Variants in PRDM15 observed in about 807,000 individuals in gnomAD.
PRDM15 encodes the protein PR/SET domain 15, also known as PR domain zinc finger protein 15.
A neutral mutation model predicts 128.6 loss-of-function variants in PRDM15; 64 were observed. The ratio of observed to expected loss-of-function variants is 0.50; its 90% CI spans 0.41 to 0.61. The LOEUF is 0.61. PRDM15 is among the 20% of genes least tolerant of loss of function. The pLI, the probability that PRDM15 is intolerant of heterozygous loss-of-function variation, is 0.00. For synonymous variants in PRDM15, 615 were observed against 621.8 expected (o/e 0.99, Z 0.16); for missense variants, 1,242 against 1,569.1 (o/e 0.79, Z 3.52).
At chr21:41,843,704 C>T (rs1175952976) in intron 6 of PRDM15, among the ~76,000 whole-genome samples, 1 of 152,184 alleles carries the variant, frequency 6.6e-6, no homozygotes, top group African/African-American at 2.4e-5. Flanking sequence ...GGCCCTGAGG[C>T]CACCGTCAGT....
intron 6 of PRDM15, among the ~76,000 whole-genome samples, chr21:41,844,020 T>C (rs376349179): frequency 6.6e-6 from 1 of 150,660 alleles, no homozygotes. Flanking sequence ...GGTTTGGAAG[T>C]TACCCAACTT....
At chr21:41,815,043 T>G (rs1003764651) in intron 19 of PRDM15, 13 of 155,436 alleles carry the variant, frequency 8.4e-5, no homozygotes, top group African/African-American at 3.1e-4. Flanking sequence ...TTGCGCAGGG[T>G]GCTCTAGTGT....
intron 8 of PRDM15, 198 bp from the exon 9 acceptor site, chr21:41,836,847 A>G: frequency 2.1e-6 from 1 of 467,046 alleles, no homozygotes; most frequent in Non-Finnish European, 3.8e-6. Context: ...TAATGACATT[A>G]GGCAGCTTTA....
At chr21:41,861,633 G>C in intron 1 of PRDM15, 1 of 1,613,994 alleles carries the variant, frequency 6.2e-7, no homozygotes, top group Non-Finnish European at 8.5e-7. Context: ...GTGCATGCTG[G>C]CACTTCTTGA....
chr21:41,861,532 C>T (rs1309151917), intron 1 of PRDM15: 2 of 1,529,228 alleles, frequency 1.3e-6, no homozygotes, highest in Non-Finnish European at 8.9e-7. Flanking sequence ...TATTCCTCCT[C>T]TGCCCCCCCC....
intron 18 of PRDM15, among the ~76,000 whole-genome samples, chr21:41,816,746 A>G (rs2062066039): frequency 6.6e-6 from 1 of 152,196 alleles, no homozygotes; most frequent in Non-Finnish European, 1.5e-5. Context: ...CTGGGCCAGC[A>G]GGGGGAGCAA....
Position 41,828,185 on chromosome 21 carries a change from G to C in PRDM15, c.1515C>G (p.His505Gln). 6.2e-7 allele frequency: 1 copy of C among 1,613,938 alleles called. No individual in the cohort carries two copies. The change falls in exon 12 of 24, where the codon CAC becomes CAG. Residue 505 changes from histidine to glutamine, a missense_variant. Around this residue, in one of 3 missense-constraint regions of PRDM15, gnomAD observed 612 missense variants for 717.0 expected, o/e 0.85. Transcript: ENST00000398548. The surrounding 1 kb of genome is among the most constrained non-coding windows in gnomAD (Gnocchi z 5.7). Reference sequence around the variant, plus strand: ...CCTCACCTTCCAGGTGCCGGCGCTGGTGGTCCAGCATGACGTCCTTGCGGT... The same window carrying C: ...CCTCACCTTCCAGGTGCCGGCGCTGCTGGTCCAGCATGACGTCCTTGCGGT... Reference protein sequence around the residue: ...MFYRKDVMLDHQRRHLEGVRR... With the variant: ...MFYRKDVMLDQQRRHLEGVRR...
chr21:41,850,939 G>T (rs1418772493), intron 5 of PRDM15, among the ~76,000 whole-genome samples: 1 of 152,216 alleles, frequency 6.6e-6, no homozygotes, highest in Non-Finnish European at 1.5e-5. Flanking sequence ...CAAAGAGACA[G>T]AATTAAGTCA....
Position 41,875,947 on chromosome 21 carries a change from C to T in PRDM15, c.-10+3323G>A, listed in dbSNP as rs796128237. Among the ~76,000 whole-genome samples the T allele has an allele frequency of 2.6e-5, 4 of 152,160 alleles. No homozygotes were observed. In the South Asian group the frequency reaches 6.2e-4, roughly 24 times the overall value. ...ACATACACAACCCTAGATGGTATAG[C>T]CTACTACACACCTAGGCTATACGGC... On this transcript the variant is annotated intron_variant, in intron 1 of 23. Coordinates refer to ENST00000398548, the MANE Select transcript of PRDM15 (RefSeq NM_001040424.3).
intron 11 of PRDM15, among the ~76,000 whole-genome samples, chr21:41,831,227 G>A (rs1568943016): frequency 1.3e-5 from 2 of 152,246 alleles, no homozygotes; most frequent in Admixed American, 6.5e-5. Context: ...TCTGCTGCCC[G>A]AGGGAGCCGC....
chr21:41,801,365 G>A lies in PRDM15; in HGVS notation c.3301C>T (p.Leu1101Phe). ...GTCTGGGGCACTGCCCGCCACGTGAGCGGGTGCTGGTCACTAAGCTGGCTC... is the reference window on the plus strand; with the variant it reads ...GTCTGGGGCACTGCCCGCCACGTGAACGGGTGCTGGTCACTAAGCTGGCTC... The part of the protein sequence containing the change: ...LGSQLSDQHP[L>F]TWRAVPQTDV... Residue 1101 changes from leucine (L) to phenylalanine (F), a missense_variant, in exon 24 of 24, where the codon CTC becomes TTC. By Grantham distance (22) the Leu-to-Phe change is conservative. Coordinates refer to ENST00000398548, the MANE Select transcript of PRDM15 (RefSeq NM_001040424.3). The A allele has an allele frequency of 1.2e-6, 2 of 1,609,706 alleles. No homozygotes were observed. Among genetic ancestry groups the A allele is most frequent in the Non-Finnish European group, 1.7e-6 (2 of 1,176,668 alleles).
chr21:41,809,016 A>G (rs2061770743), intron 21 of PRDM15, among the ~76,000 whole-genome samples: 1 of 152,220 alleles, frequency 6.6e-6, no homozygotes, highest in Non-Finnish European at 1.5e-5. Flanking sequence ...GCAAGAGGCG[A>G]AGGATGCCAT....
intron 1 of PRDM15, chr21:41,878,807 C>T (rs2064520618): frequency 1.6e-6 from 2 of 1,212,734 alleles, no homozygotes; most frequent in South Asian, 3.1e-5. Flanking sequence ...GCCTCGGCGA[C>T]GACGCCGCCC....
intron 11 of PRDM15, chr21:41,834,378 A>G: frequency 1.3e-6 from 1 of 799,332 alleles, no homozygotes; most frequent in Non-Finnish European, 2.1e-6. Flanking sequence ...AGCCCCTGGG[A>G]GTCCGCTGCT....
At chr21:41,867,368 G>A in intron 1 of PRDM15, 1 of 1,613,634 alleles carries the variant, frequency 6.2e-7, no homozygotes, top group Non-Finnish European at 8.5e-7. Context: ...AAAGTTTTGT[G>A]CAAAGGGTCC....
In PRDM15 at chr21:41,864,439, T is replaced by G. The variant is rs140134174; in HGVS notation, c.-9-4067A>C. ...CTATAAAAGGAAAATCATTTGCATC[T>G]TCATTCAGAAGGCAACAGGCAACCC... is the stretch of plus-strand genomic sequence containing the variant. On this transcript the variant is annotated intron_variant, in intron 1 of 23. Transcript: ENST00000398548. Among the ~76,000 whole-genome samples, 1,092 of 150,432 alleles carry G rather than the reference T, an allele frequency of 7.3e-3. 15 individuals carry two copies. The highest frequency in any genetic ancestry group is 0.025 in the African/African-American group (1,007 of 40,748).
At chr21:41,802,966 C>T (rs62216222) in intron 22 of PRDM15, 45 bp from the exon 23 acceptor site, 180,247 of 1,531,732 alleles carry the variant, frequency 0.12, 11,873 homozygotes, top group African/African-American at 0.14. Flanking sequence ...TAGTCGGTCA[C>T]GTCAGGCAGC....
chr21:41,804,650 GTGC>G (rs2061508546), intron 21 of PRDM15, 36 bp from the exon 22 acceptor site: 11 of 1,499,598 alleles, frequency 7.3e-6, no homozygotes, highest in Non-Finnish European at 8.9e-6. Context: ...GGGGGTCAGG[GTGC>G]TGCTGATGCA....
At chr21:41,856,261 C>CCCTTCCTT (rs146658997) in intron 4 of PRDM15, among the ~76,000 whole-genome samples, 3 of 27,328 alleles carry the variant, frequency 1.1e-4, no homozygotes, top group Non-Finnish European at 2.0e-4. Flanking sequence ...TCCCTCCCCT[C>CCCTTCCTT]CCTTCCTTCC....
Sources: allele counts gnomAD v4.1 joint callset (sites outside exome capture counted in the v4.1 genomes callset), GRCh38; gene constraint gnomAD v4.1.1; regional missense constraint gnomAD v4.1.1; non-coding constraint Gnocchi (gnomAD v3.1); transcripts MANE v1.5; gene names NCBI Gene and HGNC (gene_info 2026-07-23, HGNC 2026-07-21).